The following CNTNAP2 variants were observed in gnomAD, a reference collection of about 807,000 sequenced individuals.
CNTNAP2 encodes contactin associated protein 2.
Under a neutral mutation model 155.2 loss-of-function variants are expected in CNTNAP2, and 98 were observed. The observed-to-expected ratio is 0.63, with a 90% CI of 0.54 to 0.75. The LOEUF (loss-of-function observed/expected upper bound fraction) is 0.75. Among genes scored for constraint, CNTNAP2 ranks in the 30% least tolerant of loss-of-function variants. The pLI is 0.00. For missense variants in CNTNAP2, 1,727 were observed against 1,688.1 expected (o/e 1.02, Z -0.40); for synonymous variants, 651 against 631.2 (o/e 1.03, Z -0.47).
At chr7:147,942,696 C>T (rs766881047) in intron 14 of CNTNAP2, among the ~76,000 whole-genome samples, 2 of 152,084 alleles carry the variant, frequency 1.3e-5, no homozygotes, top group Admixed American at 1.3e-4. Context: ...AAAGCATATA[C>T]TTCTTATTTC....
intron 19 of CNTNAP2, among the ~76,000 whole-genome samples, chr7:148,228,493 C>T (rs1230778569): frequency 2.6e-5 from 4 of 152,080 alleles, no homozygotes; most frequent in Admixed American, 6.5e-5. Context: ...AAATTTATTA[C>T]TTGGTCTCAA....
intron 3 of CNTNAP2, among the ~76,000 whole-genome samples, chr7:146,972,582 T>A (rs989637908): frequency 1.3e-5 from 2 of 152,192 alleles, no homozygotes; most frequent in Non-Finnish European, 2.9e-5. Context: ...TAACAAATTT[T>A]TTCATATATA....
intron 2 of CNTNAP2, among the ~76,000 whole-genome samples, chr7:146,815,415 AT>A (rs1803146886): frequency 6.6e-6 from 1 of 152,144 alleles, no homozygotes; most frequent in African/African-American, 2.4e-5. Flanking sequence ...TCTTTGTAAA[AT>A]ATAGTAATTT....
chr7:146,394,318 T>A (rs1795588854), intron 1 of CNTNAP2, among the ~76,000 whole-genome samples: 1 of 152,234 alleles, frequency 6.6e-6, no homozygotes. Context: ...TAAATAATGT[T>A]ATATCAGACT....
At chr7:146,678,213 C>T (rs1275710581) in intron 1 of CNTNAP2, among the ~76,000 whole-genome samples, 5 of 151,728 alleles carry the variant, frequency 3.3e-5, no homozygotes, top group South Asian at 2.1e-4. Context: ...GGATTTTAGG[C>T]GACCACCGCC....
At chr7:148,040,789 T>C (rs1802659254) in intron 15 of CNTNAP2, among the ~76,000 whole-genome samples, 1 of 151,876 alleles carries the variant, frequency 6.6e-6, no homozygotes, top group Admixed American at 6.6e-5. Flanking sequence ...GTGTGGAGAA[T>C]ATGAAGCACA....
At chr7:147,908,113 T>G (rs1450694023) in intron 14 of CNTNAP2, among the ~76,000 whole-genome samples, 2 of 151,988 alleles carry the variant, frequency 1.3e-5, no homozygotes, top group Non-Finnish European at 2.9e-5. Flanking sequence ...TAAATGAAAA[T>G]AAATGAAAAC....
intron 9 of CNTNAP2, among the ~76,000 whole-genome samples, chr7:147,331,941 T>A (rs1360847524): frequency 6.6e-6 from 1 of 152,176 alleles, no homozygotes; most frequent in Non-Finnish European, 1.5e-5. Context: ...GCTTTACTGT[T>A]CACAACATGT....
chr7:146,246,190 G>A (rs1204439928), intron 1 of CNTNAP2, among the ~76,000 whole-genome samples: 4 of 151,442 alleles, frequency 2.6e-5, no homozygotes, highest in East Asian at 2.0e-4. Flanking sequence ...GTGCATGATC[G>A]GTCGCCAAGG....
chr7:147,888,823 C>T (rs1455923317), intron 13 of CNTNAP2, among the ~76,000 whole-genome samples: 1 of 150,170 alleles, frequency 6.7e-6, no homozygotes, highest in Non-Finnish European at 1.5e-5. Flanking sequence ...ATAATGATAA[C>T]ATACTACCCT....
rs185803584 is a variant in CNTNAP2 at position 147,853,112 on chromosome 7, A to G, written c.2099-50453A>G. ...CTACTCCCACCTTTTCTTTCTATTC[A>G]TTGTCTCCTAATGTCATTTATTTTC... On this transcript the variant is annotated intron_variant, in intron 13 of 23. Transcript: ENST00000361727. 3.1e-3 allele frequency among the ~76,000 whole-genome samples: 469 copies of G among 152,228 alleles called. 1 individual carries two copies. The highest frequency in any genetic ancestry group is 0.031 in the Middle Eastern group (9 of 294).
chr7:147,908,205 G>T (rs555467812), intron 14 of CNTNAP2, among the ~76,000 whole-genome samples: 1 of 152,308 alleles, frequency 6.6e-6, no homozygotes, highest in Non-Finnish European at 1.5e-5. Context: ...GCCACATGCA[G>T]ATGTTATGAA....
At chr7:147,780,071 T>C (rs1342004760) in intron 13 of CNTNAP2, among the ~76,000 whole-genome samples, 1 of 152,250 alleles carries the variant, frequency 6.6e-6, no homozygotes, top group Non-Finnish European at 1.5e-5. Flanking sequence ...TCTTTTGGCA[T>C]GTACAATTAT....
At chr7:148,220,876 A>C (rs1348278563) in intron 19 of CNTNAP2, among the ~76,000 whole-genome samples, 20 of 152,150 alleles carry the variant, frequency 1.3e-4, no homozygotes, top group Admixed American at 1.3e-3. Flanking sequence ...ACTGATGTTC[A>C]CTACCCACAT....
At chr7:148,011,370 T>A (rs964864649) in intron 15 of CNTNAP2, among the ~76,000 whole-genome samples, 3 of 152,212 alleles carry the variant, frequency 2.0e-5, no homozygotes, top group Admixed American at 1.3e-4. Flanking sequence ...TGGTACATTT[T>A]AAACCTGCCC....
chr7:148,121,798 G>T (rs1259905895), intron 16 of CNTNAP2, among the ~76,000 whole-genome samples: 1 of 152,092 alleles, frequency 6.6e-6, no homozygotes. Flanking sequence ...TAAAATTAGG[G>T]CAATCTCACT....
intron 13 of CNTNAP2, among the ~76,000 whole-genome samples, chr7:147,884,037 T>C (rs1799566258): frequency 6.6e-6 from 1 of 152,192 alleles, no homozygotes; most frequent in African/African-American, 2.4e-5. Flanking sequence ...TTGGAGGTTA[T>C]TAAGTGAAAG....
chr7:146,370,385 C>T (rs1464353560), intron 1 of CNTNAP2, among the ~76,000 whole-genome samples: 2 of 151,626 alleles, frequency 1.3e-5, no homozygotes, highest in South Asian at 4.2e-4. Context: ...TTGCAGTGAG[C>T]CGAAATTATG....
intron 10 of CNTNAP2, among the ~76,000 whole-genome samples, chr7:147,436,910 G>T (rs1221060956): frequency 6.6e-6 from 1 of 152,130 alleles, no homozygotes; most frequent in Non-Finnish European, 1.5e-5. Flanking sequence ...TTTTAAAACT[G>T]ACAAGAAGCT....
Sources: allele counts gnomAD v4.1 joint callset (sites outside exome capture counted in the v4.1 genomes callset), GRCh38; gene constraint gnomAD v4.1.1; transcripts MANE v1.5; gene names NCBI Gene and HGNC (gene_info 2026-07-23, HGNC 2026-07-21).